Variants in ZNF516 observed in about 807,000 individuals in gnomAD.
ZNF516 encodes the protein zinc finger protein 516.
Under a neutral mutation model 79.7 loss-of-function variants are expected in ZNF516, and 19 were observed. That is an observed-to-expected ratio of 0.24 (90% CI 0.17 to 0.35). The LOEUF (loss-of-function observed/expected upper bound fraction) is 0.35, where lower values mean the gene tolerates loss of function less well. ZNF516 is among the 10% of genes least tolerant of loss of function. The pLI is 1.00. For synonymous variants in ZNF516, 877 were observed against 739.5 expected (o/e 1.19, Z -3.02); for missense variants, 1,678 against 1,679.5 (o/e 1.00, Z 0.02).
Position 76,371,540 on chromosome 18 carries a change from C to A in ZNF516, c.3291G>T (p.Glu1097Asp), listed in dbSNP as rs1214663636. The change falls in exon 5 of 7, where the codon GAG becomes GAT. Residue 1097 changes from glutamate (E) to aspartate (D), a missense_variant. Glu to Asp is a conservative substitution (Grantham distance 45). This residue lies in a region of ZNF516 where 1,294 missense variants were observed against 1,248.3 expected (regional missense o/e 1.04). Coordinates refer to ENST00000443185, the MANE Select transcript of ZNF516 (RefSeq NM_014643.4). ...TCTTTCCGCACTCGATGCAGACGAACTCTCCTGGCCGGGCCTGCGTCCGGA... is the reference window on the plus strand; with the variant it reads ...TCTTTCCGCACTCGATGCAGACGAAATCTCCTGGCCGGGCCTGCGTCCGGA... Reference protein sequence around the residue: ...GTLRTQARPGEFVCIECGKSF... With the variant: ...GTLRTQARPGDFVCIECGKSF... 6.2e-7 allele frequency: 1 copy of A among 1,611,020 alleles called. No individual in the cohort carries two copies.
At chr18:76,456,752 T>TGGGGGGGGGA (rs5826456) in intron 2 of ZNF516, among the ~76,000 whole-genome samples, 1 of 117,598 alleles carries the variant, frequency 8.5e-6, no homozygotes, top group Non-Finnish European at 1.8e-5. Context: ...GGCTGGGGGG[T>TGGGGGGGGGA]GGGGGGGGGC....
chr18:76,416,793 T>C (rs1204862279), intron 3 of ZNF516, among the ~76,000 whole-genome samples: 3 of 152,214 alleles, frequency 2.0e-5, no homozygotes, highest in African/African-American at 7.2e-5. Context: ...TCCCCCTTCT[T>C]AAATTCTGCC....
At chr18:76,375,374 T>G (rs575440098) in intron 4 of ZNF516, among the ~76,000 whole-genome samples, 2 of 149,130 alleles carry the variant, frequency 1.3e-5, no homozygotes, top group Non-Finnish European at 3.0e-5. Context: ...AGAGACCAGG[T>G]AGAGAGTGGA....
At chr18:76,401,076 T>C (rs2075213050) in intron 3 of ZNF516, among the ~76,000 whole-genome samples, 1 of 152,192 alleles carries the variant, frequency 6.6e-6, no homozygotes, top group African/African-American at 2.4e-5. Flanking sequence ...CCTGTACATC[T>C]TAACCCATTT....
chr18:76,432,251 A>C (rs1332555862), intron 3 of ZNF516, among the ~76,000 whole-genome samples: 2 of 152,246 alleles, frequency 1.3e-5, no homozygotes, highest in Non-Finnish European at 2.9e-5. Context: ...GCAAAGCACC[A>C]GCACCATCGA....
intron 1 of ZNF516, chr18:76,492,416 G>T: frequency 1.0e-6 from 1 of 969,684 alleles, no homozygotes; most frequent in African/African-American, 1.8e-5. Context: ...CGCAGCCAGG[G>T]CGCAGCGTTC....
At chr18:76,403,745 C>T (rs920700552) in intron 3 of ZNF516, among the ~76,000 whole-genome samples, 2 of 152,202 alleles carry the variant, frequency 1.3e-5, no homozygotes, top group South Asian at 2.1e-4. Flanking sequence ...ACACATACCA[C>T]GAGCGAAACA....
chr18:76,461,845 C>A (rs145212552), intron 2 of ZNF516, among the ~76,000 whole-genome samples: 63 of 152,344 alleles, frequency 4.1e-4, no homozygotes, highest in African/African-American at 1.5e-3. Context: ...CGAGTGCCCG[C>A]CATGGGCCGG....
chr18:76,477,390 G>GT (rs1485498371), intron 1 of ZNF516, among the ~76,000 whole-genome samples: 12 of 152,156 alleles, frequency 7.9e-5, no homozygotes, highest in African/African-American at 2.4e-4. Flanking sequence ...GGAGTAACAG[G>GT]TAACCTGAAG....
intron 1 of ZNF516, among the ~76,000 whole-genome samples, chr18:76,478,795 C>T (rs1426966236): frequency 2.6e-5 from 4 of 152,158 alleles, no homozygotes; most frequent in Non-Finnish European, 5.9e-5. Context: ...GTGGCTCAGA[C>T]CTGTAATCCC....
rs1369408547 is a variant in ZNF516 at position 76,459,461 on chromosome 18, C to T, written c.-158+3567G>A. 1.3e-5 allele frequency among the ~76,000 whole-genome samples: 2 copies of T among 152,354 alleles called. No individual in the cohort carries two copies. Among genetic ancestry groups the T allele is most frequent in the East Asian group, 3.9e-4 (2 of 5,174 alleles). ...TGCCGGCCAGGGAGGCCTCGCGTGC[C>T]AAGCTGGCCCTGAGCTCAGCCCAGG... On this transcript the variant is annotated intron_variant, in intron 2 of 6. Transcript: ENST00000443185. The surrounding 1 kb of genome is among the most constrained non-coding windows in gnomAD (Gnocchi z 5.0).
chr18:76,465,904 G>C (rs549976262), intron 1 of ZNF516, among the ~76,000 whole-genome samples: 1 of 152,152 alleles, frequency 6.6e-6, no homozygotes, highest in Non-Finnish European at 1.5e-5. Flanking sequence ...CGCAGCACAG[G>C]CTCCCAGATG....
intron 3 of ZNF516, among the ~76,000 whole-genome samples, chr18:76,420,745 A>T (rs575127046): frequency 7.3e-4 from 110 of 151,266 alleles, no homozygotes; most frequent in African/African-American, 2.4e-3. Flanking sequence ...CTATATATAT[A>T]AAAAAAAACA....
chr18:76,435,892 G>A (rs961159448), intron 3 of ZNF516, among the ~76,000 whole-genome samples: 1 of 152,210 alleles, frequency 6.6e-6, no homozygotes, highest in Non-Finnish European at 1.5e-5. Context: ...TTCTCTGGAT[G>A]TTCTATGGCT....
At chr18:76,473,903 T>TGTGTGGG (rs58634236) in intron 1 of ZNF516, among the ~76,000 whole-genome samples, 44 of 54,174 alleles carry the variant, frequency 8.1e-4, no homozygotes, top group South Asian at 2.4e-3. Flanking sequence ...TGTTTTTGTG[T>TGTGTGGG]GGGGGGGGGG....
chr18:76,452,478 C>G (rs1006398864), intron 2 of ZNF516, among the ~76,000 whole-genome samples: 27 of 152,360 alleles, frequency 1.8e-4, no homozygotes, highest in African/African-American at 6.5e-4. Context: ...GCACAGCCTT[C>G]TCCGGCTCTG....
At chr18:76,381,593 G>A (rs1053184707) in intron 3 of ZNF516, among the ~76,000 whole-genome samples, 1 of 152,220 alleles carries the variant, frequency 6.6e-6, no homozygotes, top group African/African-American at 2.4e-5. Flanking sequence ...TCCATTCCAA[G>A]GGGTTCTTCA....
In ZNF516 at chr18:76,379,993, T is replaced by G; in HGVS notation, c.2121A>C (p.Ala707=). 1 of 1,614,012 alleles carries G rather than the reference T, an allele frequency of 6.2e-7. No homozygotes were observed. Among genetic ancestry groups the G allele is most frequent in the Non-Finnish European group, 8.5e-7 (1 of 1,179,884 alleles). The part of the protein sequence containing the change: ...TGAEGQTGHP[A]EKLSDLHNKE... ...TGTTGTGCAAATCGGACAGCTTTTC[T>G]GCAGGGTGACCCGTCTGGCCCTCCG... Residue 707 remains alanine (A), a synonymous_variant, in exon 4 of 7, where the codon GCA becomes GCC. Coordinates refer to ENST00000443185, the MANE Select transcript of ZNF516 (RefSeq NM_014643.4).
chr18:76,424,375 G>C (rs1454355583), intron 3 of ZNF516, among the ~76,000 whole-genome samples: 27 of 81,640 alleles, frequency 3.3e-4, no homozygotes, highest in Non-Finnish European at 4.1e-4. Flanking sequence ...ACACGCAGGT[G>C]AAAGGGTCCC....
Sources: gnomAD v4.1 joint callset for allele counts (sites outside exome capture counted in the v4.1 genomes callset) on GRCh38, gnomAD v4.1.1 for gene constraint, gnomAD v4.1.1 regional missense constraint, Gnocchi (gnomAD v3.1) non-coding constraint, MANE v1.5 for transcripts, NCBI Gene and HGNC (gene_info 2026-07-23, HGNC 2026-07-21) for gene names.